EDIL3: variants seen among roughly 807,000 people sequenced by gnomAD.
The protein encoded by EDIL3 is EGF-like repeat and discoidin I-like domain-containing protein 3.
EDIL3 carries 37 observed loss-of-function variants against 67.4 expected under a neutral mutation model. The ratio of observed to expected loss-of-function variants is 0.55; its 90% CI spans 0.42 to 0.72. The LOEUF is 0.72. Ranked by LOEUF, EDIL3 falls within the 30% of genes least tolerant of loss-of-function variation. The pLI, the probability that EDIL3 is intolerant of heterozygous loss-of-function variation, is 0.00. For missense variants in EDIL3, 527 were observed against 586.3 expected, an observed-to-expected ratio of 0.90 and a Z score of 1.04; for synonymous variants, 195 against 196.3, an observed-to-expected ratio of 0.99 and a Z score of 0.05.
At chr5:84,157,702 T>C (rs1286977116) in intron 4 of EDIL3, among the ~76,000 whole-genome samples, 5 of 150,514 alleles carry the variant, frequency 3.3e-5, no homozygotes, top group Non-Finnish European at 7.4e-5. Flanking sequence ...CACCTTTGTA[T>C]GTAAGAAGCC....
intron 9 of EDIL3, among the ~76,000 whole-genome samples, chr5:84,046,389 T>A (rs896039240): frequency 5.3e-5 from 8 of 152,052 alleles, no homozygotes; most frequent in Admixed American, 5.2e-4. Flanking sequence ...CTGAAAAAAA[T>A]GAGTCACTTC....
At chr5:84,241,300 A>T (rs1211274841) in intron 2 of EDIL3, among the ~76,000 whole-genome samples, 1 of 152,160 alleles carries the variant, frequency 6.6e-6, no homozygotes, top group East Asian at 1.9e-4. Flanking sequence ...TTTCCCTATG[A>T]TTCTATCTTT....
rs1156431933 is a variant in EDIL3 at position 84,369,696 on chromosome 5, G to A, written c.67+14612C>T. 3.9e-5 allele frequency among the ~76,000 whole-genome samples: 6 copies of A among 152,166 alleles called. No individual in the cohort carries two copies. In the East Asian group the frequency reaches 7.7e-4, roughly 20 times the overall value. On this transcript the variant is annotated intron_variant, in intron 1 of 10. Coordinates refer to ENST00000296591, the MANE Select transcript of EDIL3 (RefSeq NM_005711.5). ...ATAATGATTGCACAACATTATAAAT[G>A]TATTTAATATCACTAAACTGTACAC...
At chr5:84,111,442 A>G (rs1056063386) in intron 5 of EDIL3, among the ~76,000 whole-genome samples, 1 of 152,154 alleles carries the variant, frequency 6.6e-6, no homozygotes, top group Non-Finnish European at 1.5e-5. Flanking sequence ...ACCTCTAAGT[A>G]TATGCTCATC....
chr5:84,149,403 C>A (rs755977302), intron 4 of EDIL3, among the ~76,000 whole-genome samples: 1 of 152,142 alleles, frequency 6.6e-6, no homozygotes, highest in Non-Finnish European at 1.5e-5. Flanking sequence ...CAAACTGTTT[C>A]ATGGGGCATT....
chr5:84,074,019 A>G (rs1223623941), intron 6 of EDIL3, among the ~76,000 whole-genome samples: 1 of 152,032 alleles, frequency 6.6e-6, no homozygotes, highest in African/African-American at 2.4e-5. Context: ...AATGGAACAG[A>G]ACAGAGCCCT....
chr5:84,328,600 A>G (rs1746812395), intron 1 of EDIL3, among the ~76,000 whole-genome samples: 1 of 152,054 alleles, frequency 6.6e-6, no homozygotes, highest in African/African-American at 2.4e-5. Context: ...GGCTCTACAG[A>G]AACACAAAGT....
intron 3 of EDIL3, among the ~76,000 whole-genome samples, chr5:84,195,882 G>C (rs892797644): frequency 6.6e-6 from 1 of 151,946 alleles, no homozygotes; most frequent in Admixed American, 6.6e-5. Context: ...ATATGCTAGA[G>C]GGGAACCTGG....
intron 4 of EDIL3, among the ~76,000 whole-genome samples, chr5:84,145,134 C>T (rs1166922578): frequency 6.6e-6 from 1 of 152,044 alleles, no homozygotes; most frequent in East Asian, 1.9e-4. Context: ...AATTATAATA[C>T]AATATGGTGA....
chr5:84,278,271 T>C (rs1210413956), intron 1 of EDIL3, among the ~76,000 whole-genome samples: 2 of 152,220 alleles, frequency 1.3e-5, no homozygotes, highest in East Asian at 3.8e-4. Flanking sequence ...TGTGTTTCAC[T>C]GTATATTTCA....
At chr5:84,015,246 C>T (rs913744995) in intron 9 of EDIL3, among the ~76,000 whole-genome samples, 1 of 152,116 alleles carries the variant, frequency 6.6e-6, no homozygotes, top group Non-Finnish European at 1.5e-5. Context: ...GCAGCTATAT[C>T]ACAATAACAC....
chr5:84,360,169 A>C (rs1221832767), intron 1 of EDIL3, among the ~76,000 whole-genome samples: 1 of 152,106 alleles, frequency 6.6e-6, no homozygotes, highest in African/African-American at 2.4e-5. Context: ...TGAAGATTTG[A>C]AGGAGAGTGG....
intron 3 of EDIL3, among the ~76,000 whole-genome samples, chr5:84,225,776 G>A (rs1022681834): frequency 6.6e-6 from 1 of 151,308 alleles, no homozygotes; most frequent in Non-Finnish European, 1.5e-5. Context: ...AAACAACCTA[G>A]ATTTGTCATA....
chr5:84,274,292 G>A (rs183884048), intron 1 of EDIL3, among the ~76,000 whole-genome samples: 2 of 152,116 alleles, frequency 1.3e-5, no homozygotes, highest in African/African-American at 2.4e-5. Context: ...TGTAAAGACA[G>A]GGTCCCACTG....
chr5:84,032,325 T>C (rs1208643984), intron 9 of EDIL3, among the ~76,000 whole-genome samples: 7 of 152,338 alleles, frequency 4.6e-5, no homozygotes, highest in East Asian at 1.9e-4. Flanking sequence ...TTAGTGCTCA[T>C]TTTAAAATTA....
chr5:84,271,727 A>G (rs2112097085), intron 1 of EDIL3, among the ~76,000 whole-genome samples: 1 of 152,298 alleles, frequency 6.6e-6, no homozygotes, highest in South Asian at 2.1e-4. Flanking sequence ...TAATTACTAA[A>G]TCAGCTACAA....
intron 4 of EDIL3, among the ~76,000 whole-genome samples, chr5:84,173,154 C>A (rs578076949): frequency 5.9e-5 from 9 of 152,250 alleles, no homozygotes; most frequent in African/African-American, 1.9e-4. Context: ...AGCTGTTATA[C>A]TTGATGGATG....
intron 1 of EDIL3, among the ~76,000 whole-genome samples, chr5:84,336,209 G>A (rs1746981957): frequency 6.6e-6 from 1 of 152,156 alleles, no homozygotes. Context: ...ATTCATGACA[G>A]TGGAACTAGC....
At chr5:84,152,430 T>G (rs988338378) in intron 4 of EDIL3, among the ~76,000 whole-genome samples, 1 of 152,168 alleles carries the variant, frequency 6.6e-6, no homozygotes, top group African/African-American at 2.4e-5. Flanking sequence ...ATGGGCTATC[T>G]CCATAACAAG....
Sources: allele counts gnomAD v4.1 joint callset (sites outside exome capture counted in the v4.1 genomes callset), GRCh38; gene constraint gnomAD v4.1.1; transcripts MANE v1.5; gene names NCBI Gene and HGNC (gene_info 2026-07-23, HGNC 2026-07-21).